SEMA3A: variants seen among roughly 807,000 people sequenced by gnomAD.
SEMA3A encodes semaphorin-3A.
Under a neutral mutation model 97.9 loss-of-function variants are expected in SEMA3A, and 29 were observed. The observed-to-expected ratio is 0.30, with a 90% CI of 0.22 to 0.40. The LOEUF is 0.40. Ranked by LOEUF, SEMA3A falls within the 10% of genes least tolerant of loss-of-function variation. The pLI is 1.00. For synonymous variants in SEMA3A, 321 were observed against 323.7 expected (o/e 0.99, Z 0.09); for missense variants, 763 against 951.3 (o/e 0.80, Z 2.60).
intron 1 of SEMA3A, among the ~76,000 whole-genome samples, chr7:84,172,524 C>T (rs186225869): frequency 8.8e-4 from 134 of 152,262 alleles, no homozygotes; most frequent in Non-Finnish European, 1.5e-3. Context: ...TGGGTTCACG[C>T]CATTCTCCTG....
chr7:84,243,712 G>A (rs1799418386), intron 3 of SEMA3A, among the ~76,000 whole-genome samples: 1 of 150,122 alleles, frequency 6.7e-6, no homozygotes, highest in Non-Finnish European at 1.5e-5. Context: ...TTGTGTTCTT[G>A]CTTCCATTCT....
chr7:84,207,012 C>G (rs1584124880), intron 3 of SEMA3A, among the ~76,000 whole-genome samples: 1 of 152,292 alleles, frequency 6.6e-6, no homozygotes, highest in Middle Eastern at 3.4e-3. Context: ...GGCACCCAAA[C>G]AATGATTATC....
intron 1 of SEMA3A, among the ~76,000 whole-genome samples, chr7:84,459,775 C>T (rs1805776261): frequency 6.6e-6 from 1 of 152,108 alleles, no homozygotes; most frequent in Non-Finnish European, 1.5e-5. Context: ...CACCTGTAAT[C>T]CCAGAACTCT....
At chr7:84,186,853 C>G (rs1288200927) in intron 1 of SEMA3A, among the ~76,000 whole-genome samples, 1 of 151,984 alleles carries the variant, frequency 6.6e-6, no homozygotes, top group East Asian at 1.9e-4. Context: ...GGAAATTAGC[C>G]TACTATCCTC....
At chr7:84,438,815 T>C (rs1385924958) in intron 1 of SEMA3A, among the ~76,000 whole-genome samples, 1 of 152,062 alleles carries the variant, frequency 6.6e-6, no homozygotes, top group Non-Finnish European at 1.5e-5. Flanking sequence ...TGGAAGCCCA[T>C]AGTCTACATA....
intron 1 of SEMA3A, among the ~76,000 whole-genome samples, chr7:84,425,628 A>T (rs1387153442): frequency 2.0e-5 from 3 of 147,676 alleles, no homozygotes; most frequent in Non-Finnish European, 4.5e-5. Flanking sequence ...ATATTTATGT[A>T]AATATAAACG....
intron 1 of SEMA3A, among the ~76,000 whole-genome samples, chr7:84,434,956 G>C (rs925559072): frequency 6.6e-6 from 1 of 152,094 alleles, no homozygotes; most frequent in Non-Finnish European, 1.5e-5. Context: ...ACAAGACAAG[G>C]ATGCTCACTC....
intron 4 of SEMA3A, among the ~76,000 whole-genome samples, chr7:84,063,055 C>T (rs1324169101): frequency 7.2e-5 from 11 of 151,882 alleles, no homozygotes; most frequent in African/African-American, 2.2e-4. Flanking sequence ...GTTCTCCCAG[C>T]ACGCCGCTGG....
At chr7:84,151,328 A>G (rs373063577) in intron 1 of SEMA3A, among the ~76,000 whole-genome samples, 20 of 151,310 alleles carry the variant, frequency 1.3e-4, no homozygotes, top group South Asian at 2.1e-4. Context: ...AGGCAAAGAA[A>G]TTGAAAACTT....
At chr7:84,046,795 T>C (rs1255720569) in intron 5 of SEMA3A, among the ~76,000 whole-genome samples, 1 of 152,090 alleles carries the variant, frequency 6.6e-6, no homozygotes, top group Non-Finnish European at 1.5e-5. Flanking sequence ...ACATTTATCA[T>C]ATCACTTGCT....
At chr7:84,155,993 T>C (rs547172027) in intron 1 of SEMA3A, among the ~76,000 whole-genome samples, 1 of 152,290 alleles carries the variant, frequency 6.6e-6, no homozygotes, top group Admixed American at 6.5e-5. Context: ...AAGCAAACTT[T>C]ATAAAGTATG....
chr7:84,453,715 C>T (rs1805620814), intron 1 of SEMA3A, among the ~76,000 whole-genome samples: 1 of 152,124 alleles, frequency 6.6e-6, no homozygotes, highest in Admixed American at 6.5e-5. Context: ...TACATTATCT[C>T]AGTAATAAGT....
At chr7:84,055,716 TC>T (rs1175638564) in intron 5 of SEMA3A, among the ~76,000 whole-genome samples, 1 of 152,238 alleles carries the variant, frequency 6.6e-6, no homozygotes, top group African/African-American at 2.4e-5. Context: ...TATTCAGCCA[TC>T]TTGGCTCCTC....
chr7:84,137,523 G>A (rs17158650), intron 1 of SEMA3A, among the ~76,000 whole-genome samples: 34,022 of 151,560 alleles, frequency 0.22, 3,955 homozygotes, highest in African/African-American at 0.27. Context: ...AGTTGTGTGA[G>A]GATGGAAACG....
intron 1 of SEMA3A, among the ~76,000 whole-genome samples, chr7:84,164,218 T>C (rs187948228): frequency 7.9e-5 from 12 of 152,310 alleles, no homozygotes; most frequent in Admixed American, 7.2e-4. Flanking sequence ...AATACTTGAA[T>C]AAATCTTGGG....
chr7:84,204,712 A>G (rs527675506), intron 3 of SEMA3A, among the ~76,000 whole-genome samples: 1 of 152,320 alleles, frequency 6.6e-6, no homozygotes, highest in African/African-American at 2.4e-5. Flanking sequence ...TTATATATCA[A>G]ACGCAGTAGG....
intron 1 of SEMA3A, among the ~76,000 whole-genome samples, chr7:84,396,544 A>G (rs1261466647): frequency 6.6e-6 from 1 of 151,950 alleles, no homozygotes; most frequent in African/African-American, 2.4e-5. Context: ...TTGAAAGAAA[A>G]TACCTTATAA....
chr7:84,007,057 C>T (rs1790696281), intron 10 of SEMA3A, among the ~76,000 whole-genome samples: 1 of 151,880 alleles, frequency 6.6e-6, no homozygotes, highest in East Asian at 1.9e-4. Context: ...TTCTCTACTA[C>T]CATGTAAAAA....
intron 2 of SEMA3A, among the ~76,000 whole-genome samples, chr7:84,349,715 A>C (rs1802389194): frequency 6.6e-6 from 1 of 152,204 alleles, no homozygotes; most frequent in Non-Finnish European, 1.5e-5. Flanking sequence ...CTCCATATAA[A>C]TTATTCCACC....
Sources: gnomAD v4.1 joint callset for allele counts (sites outside exome capture counted in the v4.1 genomes callset) on GRCh38, gnomAD v4.1.1 for gene constraint, MANE v1.5 for transcripts, NCBI Gene and HGNC (gene_info 2026-07-23, HGNC 2026-07-21) for gene names.